Variants in CDH13 observed in about 807,000 individuals in gnomAD.
The protein encoded by CDH13 is cadherin 13.
In CDH13, 24 loss-of-function variants were observed where a neutral mutation model predicts 63.8. That is an observed-to-expected ratio of 0.38 (90% CI 0.27 to 0.53). The LOEUF (loss-of-function observed/expected upper bound fraction) is 0.53, where lower values mean the gene tolerates loss of function less well. CDH13 is among the 20% of genes least tolerant of loss of function. The pLI is 0.85. For missense variants in CDH13, 1,049 were observed against 903.1 expected (o/e 1.16, Z -2.07); for synonymous variants, 503 against 355.3 (o/e 1.42, Z -4.67).
chr16:82,685,033 A>G (rs1439853490), intron 1 of CDH13, among the ~76,000 whole-genome samples: 1 of 151,518 alleles, frequency 6.6e-6, no homozygotes, highest in Non-Finnish European at 1.5e-5. Context: ...CTGTGGAGCA[A>G]CATGTGTGTC....
chr16:83,072,482 A>G (rs1385528800), intron 3 of CDH13, among the ~76,000 whole-genome samples: 1 of 152,192 alleles, frequency 6.6e-6, no homozygotes, highest in Non-Finnish European at 1.5e-5. Flanking sequence ...AAATCATTAG[A>G]AATGCCTGTC....
intron 3 of CDH13, among the ~76,000 whole-genome samples, chr16:83,121,379 C>A (rs1026237706): frequency 6.6e-6 from 1 of 152,168 alleles, no homozygotes. Context: ...TTGCATGCAA[C>A]CTCTCTGAAC....
chr16:82,808,806 ACTG>A (rs879442255), intron 1 of CDH13, among the ~76,000 whole-genome samples: 9 of 152,128 alleles, frequency 5.9e-5, no homozygotes, highest in Non-Finnish European at 1.2e-4. Context: ...ATTCATTTTA[ACTG>A]CTGTGTCATG....
intron 4 of CDH13, chr16:83,180,853 T>C (rs555820280): frequency 1.4e-6 from 2 of 1,416,622 alleles, no homozygotes; most frequent in East Asian, 2.5e-5. Flanking sequence ...ACAAAATGTG[T>C]TTTTTTTTTC....
intron 4 of CDH13, among the ~76,000 whole-genome samples, chr16:83,155,256 G>A (rs553514242): frequency 4.6e-5 from 7 of 152,316 alleles, no homozygotes; most frequent in East Asian, 1.9e-4. Context: ...GGTCTGGATG[G>A]AGGTAGAAGA....
At chr16:83,059,759 A>G (rs967506744) in intron 3 of CDH13, among the ~76,000 whole-genome samples, 45 of 145,648 alleles carry the variant, frequency 3.1e-4, no homozygotes, top group Non-Finnish European at 6.0e-4. Flanking sequence ...AACTTTCTTA[A>G]TCCAGACTTT....
At chr16:83,506,778 G>C (rs1163444282) in intron 7 of CDH13, among the ~76,000 whole-genome samples, 2 of 152,194 alleles carry the variant, frequency 1.3e-5, no homozygotes, top group Admixed American at 1.3e-4. Flanking sequence ...AGCTCAAGTA[G>C]CTTCATGGAG....
chr16:82,688,017 T>C (rs1407522369), intron 1 of CDH13, among the ~76,000 whole-genome samples: 1 of 152,212 alleles, frequency 6.6e-6, no homozygotes, highest in African/African-American at 2.4e-5. Flanking sequence ...AGGCCCTCAG[T>C]GATCACAGAT....
At chr16:83,055,558 C>A (rs537009407) in intron 3 of CDH13, among the ~76,000 whole-genome samples, 3 of 148,790 alleles carry the variant, frequency 2.0e-5, no homozygotes, top group African/African-American at 7.4e-5. Flanking sequence ...CAAAGCATAC[C>A]AAAAAAAAAG....
intron 1 of CDH13, chr16:82,826,018 TA>T (rs2038232790): frequency 6.6e-6 from 1 of 151,522 alleles, no homozygotes; most frequent in South Asian, 2.1e-4. Context: ...CACACCGAGC[TA>T]ATTTTTTGTA....
rs1425194183 is a variant in CDH13 at position 83,348,474 on chromosome 16, C to T, written c.781+3468C>T. Among the ~76,000 whole-genome samples, 5 of 152,350 alleles carry T rather than the reference C, an allele frequency of 3.3e-5. No homozygotes were observed. In the East Asian group the frequency reaches 9.7e-4, roughly 29 times the overall value. Reference sequence around the variant, plus strand: ...TAACCAAAGGCAGCTTCATGGGGCACAGCCTTTGTGGCCTCACACAGCCAA... The same window carrying T: ...TAACCAAAGGCAGCTTCATGGGGCATAGCCTTTGTGGCCTCACACAGCCAA... On this transcript the variant is annotated intron_variant, in intron 6 of 13. Coordinates refer to ENST00000567109, the MANE Select transcript of CDH13 (RefSeq NM_001257.5).
chr16:83,667,096 G>GATGC (rs1257637706), intron 8 of CDH13, among the ~76,000 whole-genome samples: 1 of 145,062 alleles, frequency 6.9e-6, no homozygotes, highest in Non-Finnish European at 1.5e-5. Context: ...ATGATGGATG[G>GATGC]ATGGATGGAT....
chr16:83,125,313 C>A, intron 3 of CDH13, 72 bp from the exon 4 acceptor site: 1 of 823,398 alleles, frequency 1.2e-6, no homozygotes, highest in East Asian at 2.6e-5. Flanking sequence ...AACAAAGGAA[C>A]TCTATCTCGG....
intron 4 of CDH13, among the ~76,000 whole-genome samples, chr16:83,216,449 A>G (rs13336145): frequency 0.055 from 1,579 of 28,716 alleles, 112 homozygotes; most frequent in East Asian, 0.2. Flanking sequence ...TATATACACA[A>G]CCCTAATTTG....
At chr16:82,988,231 C>T (rs1200089783) in intron 2 of CDH13, among the ~76,000 whole-genome samples, 4 of 152,150 alleles carry the variant, frequency 2.6e-5, no homozygotes, top group African/African-American at 7.2e-5. Context: ...TAAGAGCACG[C>T]ACACACGTGT....
chr16:82,973,289 C>G (rs1353201033), intron 2 of CDH13, among the ~76,000 whole-genome samples: 3 of 152,228 alleles, frequency 2.0e-5, no homozygotes, highest in Non-Finnish European at 4.4e-5. Flanking sequence ...CTCCTCTTTG[C>G]CGTCCTTCTC....
chr16:83,074,306 G>A (rs891521118), intron 3 of CDH13, among the ~76,000 whole-genome samples: 2 of 152,124 alleles, frequency 1.3e-5, no homozygotes, highest in African/African-American at 2.4e-5. Flanking sequence ...TAAGGTTGCA[G>A]CAAATAATAT....
intron 1 of CDH13, among the ~76,000 whole-genome samples, chr16:82,638,659 G>C (rs16957927): frequency 0.023 from 3,499 of 152,170 alleles, 125 homozygotes; most frequent in African/African-American, 0.075. Context: ...AAAAAATAAA[G>C]TTTGCTCCCC....
At chr16:82,800,471 T>G (rs1032207054) in intron 1 of CDH13, among the ~76,000 whole-genome samples, 2 of 151,890 alleles carry the variant, frequency 1.3e-5, no homozygotes, top group Admixed American at 6.6e-5. Context: ...GATCAGGGAG[T>G]GAGTCTTAGA....
Sources: allele counts gnomAD v4.1 joint callset (sites outside exome capture counted in the v4.1 genomes callset), GRCh38; gene constraint gnomAD v4.1.1; transcripts MANE v1.5; gene names NCBI Gene and HGNC (gene_info 2026-07-23, HGNC 2026-07-21).